PTPRK: variants seen among roughly 807,000 people sequenced by gnomAD.
The protein encoded by PTPRK is protein tyrosine phosphatase receptor type K.
A neutral mutation model predicts 178.0 loss-of-function variants in PTPRK; 75 were observed. The observed-to-expected ratio is 0.42, with a 90% CI of 0.35 to 0.51. The LOEUF (loss-of-function observed/expected upper bound fraction) is 0.51. Ranked by LOEUF, PTPRK falls within the 20% of genes least tolerant of loss-of-function variation. The pLI is 0.02. For missense variants in PTPRK, 1,441 were observed against 1,797.8 expected, an observed-to-expected ratio of 0.80 and a Z score of 3.59; for synonymous variants, 637 against 620.6, an observed-to-expected ratio of 1.03 and a Z score of -0.39.
At chr6:128,472,360 T>C (rs1850794595) in intron 1 of PTPRK, among the ~76,000 whole-genome samples, 2 of 151,932 alleles carry the variant, frequency 1.3e-5, no homozygotes, top group Non-Finnish European at 2.9e-5. Flanking sequence ...GTGTTGCTTG[T>C]TTGTTTTGTT....
chr6:127,978,867 G>A (rs1475857333), intron 25 of PTPRK, among the ~76,000 whole-genome samples: 1 of 152,166 alleles, frequency 6.6e-6, no homozygotes, highest in Admixed American at 6.5e-5. Flanking sequence ...TACTAATGAT[G>A]GGGATAAAGG....
intron 1 of PTPRK, among the ~76,000 whole-genome samples, chr6:128,496,861 A>T (rs574494302): frequency 3.3e-5 from 5 of 152,214 alleles, no homozygotes; most frequent in Admixed American, 6.5e-5. Context: ...TTATTTATAA[A>T]CCAAGAAGAC....
At chr6:128,090,143 A>T in intron 7 of PTPRK, 151 bp from the exon 8 acceptor site, 1 of 658,834 alleles carries the variant, frequency 1.5e-6, no homozygotes, top group Admixed American at 3.0e-5. Context: ...TCATGATCCT[A>T]TTCTTGAAGG....
At chr6:128,067,017 G>T (rs1229449458) in intron 12 of PTPRK, among the ~76,000 whole-genome samples, 1 of 152,156 alleles carries the variant, frequency 6.6e-6, no homozygotes, top group African/African-American at 2.4e-5. Context: ...TATACCACAG[G>T]CGCCCTATTA....
chr6:128,396,242 A>G (rs921069273), intron 2 of PTPRK, among the ~76,000 whole-genome samples: 5 of 150,756 alleles, frequency 3.3e-5, no homozygotes, highest in Non-Finnish European at 7.4e-5. Context: ...ATTTTTAATC[A>G]TAATAAAAAT....
intron 13 of PTPRK, among the ~76,000 whole-genome samples, chr6:128,017,802 G>GTGTATATATATATATATA (rs1287001811): frequency 4.0e-4 from 40 of 101,246 alleles, no homozygotes; most frequent in African/African-American, 8.6e-4. Flanking sequence ...ATATATATGT[G>GTGTATATATATATATATA]TATATATATA....
chr6:128,110,458 T>C (rs1437766524), intron 7 of PTPRK, among the ~76,000 whole-genome samples: 3 of 152,120 alleles, frequency 2.0e-5, no homozygotes, highest in African/African-American at 7.2e-5. Context: ...GCAGAGGATA[T>C]GCTCTTGATA....
intron 1 of PTPRK, among the ~76,000 whole-genome samples, chr6:128,418,643 G>T (rs1843105941): frequency 6.6e-6 from 1 of 152,050 alleles, no homozygotes; most frequent in Non-Finnish European, 1.5e-5. Flanking sequence ...AGTTCCTGGT[G>T]CCAGAAAGGT....
At chr6:128,220,813 T>A (rs1810270006) in intron 5 of PTPRK, among the ~76,000 whole-genome samples, 1 of 152,216 alleles carries the variant, frequency 6.6e-6, no homozygotes. Flanking sequence ...ATGGGACAGT[T>A]AAACTAGGCA....
At chr6:128,282,647 G>A (rs1283425127) in intron 3 of PTPRK, among the ~76,000 whole-genome samples, 1 of 152,178 alleles carries the variant, frequency 6.6e-6, no homozygotes, top group Non-Finnish European at 1.5e-5. Context: ...TATGTATTCA[G>A]TGTATAAACA....
chr6:128,507,573 C>T (rs1334698283), intron 1 of PTPRK, among the ~76,000 whole-genome samples: 2 of 152,158 alleles, frequency 1.3e-5, no homozygotes, highest in African/African-American at 4.8e-5. Flanking sequence ...ACTCTGCCAG[C>T]CACTGGTCTC....
chr6:128,493,169 G>C (rs1207844069), intron 1 of PTPRK, among the ~76,000 whole-genome samples: 2 of 152,094 alleles, frequency 1.3e-5, no homozygotes, highest in Non-Finnish European at 2.9e-5. Flanking sequence ...TTTTTCCTAA[G>C]AGCAAATTCT....
At chr6:128,034,757 A>C (rs1775929195) in intron 13 of PTPRK, among the ~76,000 whole-genome samples, 1 of 152,178 alleles carries the variant, frequency 6.6e-6, no homozygotes, top group African/African-American at 2.4e-5. Context: ...AATCAGAAGT[A>C]GGTGTTCAAG....
chr6:128,237,162 G>T (rs982197793), intron 5 of PTPRK, among the ~76,000 whole-genome samples: 3 of 152,094 alleles, frequency 2.0e-5, no homozygotes, highest in Non-Finnish European at 4.4e-5. Context: ...CTTTGAAATA[G>T]AAAATTGGCT....
intron 13 of PTPRK, among the ~76,000 whole-genome samples, chr6:128,051,518 C>T (rs1001862650): frequency 6.6e-6 from 1 of 152,206 alleles, no homozygotes; most frequent in Non-Finnish European, 1.5e-5. Flanking sequence ...TTTGAGCTTT[C>T]CATGCTGCTT....
chr6:128,198,253 T>G (rs1005445370), intron 6 of PTPRK, among the ~76,000 whole-genome samples: 3 of 152,208 alleles, frequency 2.0e-5, no homozygotes, highest in African/African-American at 7.2e-5. Flanking sequence ...CTGAGAAAGA[T>G]GCAAACTTCC....
chr6:128,247,033 T>G (rs149547971), intron 3 of PTPRK, among the ~76,000 whole-genome samples: 2 of 152,254 alleles, frequency 1.3e-5, no homozygotes, highest in African/African-American at 4.8e-5. Context: ...CTGAACTGGG[T>G]GTTTGGAAGC....
At chr6:128,281,191 G>A (rs1411446463) in intron 3 of PTPRK, among the ~76,000 whole-genome samples, 1 of 152,114 alleles carries the variant, frequency 6.6e-6, no homozygotes, top group Admixed American at 6.5e-5. Flanking sequence ...GGAATCAAAG[G>A]GCAGGCCAAG....
At chr6:128,056,567 G>A (rs1443660534) in intron 13 of PTPRK, among the ~76,000 whole-genome samples, 5 of 151,842 alleles carry the variant, frequency 3.3e-5, no homozygotes, top group Non-Finnish European at 5.9e-5. Context: ...TGGGATTACA[G>A]GTGCCCGCCA....
Sources: allele counts gnomAD v4.1 joint callset (sites outside exome capture counted in the v4.1 genomes callset), GRCh38; gene constraint gnomAD v4.1.1; transcripts MANE v1.5; gene names NCBI Gene and HGNC (gene_info 2026-07-23, HGNC 2026-07-21).